ERCC6L2: variants seen among roughly 807,000 people sequenced by gnomAD.
ERCC6L2 encodes the protein ERCC excision repair 6 like 2.
A neutral mutation model predicts 132.0 loss-of-function variants in ERCC6L2; 77 were observed. That is an observed-to-expected ratio of 0.58 (90% confidence interval 0.49 to 0.71). The LOEUF is 0.71. ERCC6L2 is among the 30% of genes least tolerant of loss of function. The probability of loss-of-function intolerance (pLI) is 0.00; values close to 1 mark genes in which losing one functional copy is unlikely to be tolerated. For synonymous variants in ERCC6L2, 583 were observed against 632.4 expected, an observed-to-expected ratio of 0.92 and a Z score of 1.17; for missense variants, 1,542 against 1,837.6, an observed-to-expected ratio of 0.84 and a Z score of 2.94.
chr9:95,911,740 T>C (rs1399398398), intron 4 of ERCC6L2, among the ~76,000 whole-genome samples: 1 of 152,174 alleles, frequency 6.6e-6, no homozygotes, highest in East Asian at 1.9e-4. Context: ...TTTTTTCTTA[T>C]TGCTGTTATA....
At chr9:95,974,960 A>T (rs1832599917) in intron 16 of ERCC6L2, among the ~76,000 whole-genome samples, 1 of 152,114 alleles carries the variant, frequency 6.6e-6, no homozygotes, top group African/African-American at 2.4e-5. Flanking sequence ...GTTCTCAAGC[A>T]TATAGGGAAT....
At chr9:95,925,859 A>G (rs1830077448) in intron 9 of ERCC6L2, among the ~76,000 whole-genome samples, 1 of 152,218 alleles carries the variant, frequency 6.6e-6, no homozygotes, top group African/African-American at 2.4e-5. Context: ...CTGGTTTACA[A>G]ATATACAGGT....
chr9:95,907,588 C>A (rs530285782), intron 4 of ERCC6L2, among the ~76,000 whole-genome samples: 1 of 151,942 alleles, frequency 6.6e-6, no homozygotes, highest in South Asian at 2.1e-4. Flanking sequence ...ATATTTAGTT[C>A]ATAATAACTT....
At chr9:95,933,454 G>A (rs970447812) in intron 11 of ERCC6L2, among the ~76,000 whole-genome samples, 1 of 152,140 alleles carries the variant, frequency 6.6e-6, no homozygotes, top group Non-Finnish European at 1.5e-5. Context: ...ATTTGGGTTT[G>A]AATCGAGACA....
chr9:95,899,606 G>A (rs113318013), intron 3 of ERCC6L2, among the ~76,000 whole-genome samples: 21,724 of 143,676 alleles, frequency 0.15, 1,753 homozygotes, highest in East Asian at 0.24. Flanking sequence ...ATATATGTGT[G>A]TGTGTGTGTG....
At chr9:95,992,579 C>G (rs1833339917) in intron 17 of ERCC6L2, among the ~76,000 whole-genome samples, 1 of 152,236 alleles carries the variant, frequency 6.6e-6, no homozygotes, top group South Asian at 2.1e-4. Flanking sequence ...CTTTCACATA[C>G]TTTAGCACTT....
At chr9:95,925,154 T>C (rs948179427) in intron 9 of ERCC6L2, among the ~76,000 whole-genome samples, 1 of 152,218 alleles carries the variant, frequency 6.6e-6, no homozygotes, top group Admixed American at 6.5e-5. Flanking sequence ...CCTGCTATAA[T>C]CTTTATAGCC....
At chr9:95,951,050 C>G (rs1216615464) in intron 12 of ERCC6L2, among the ~76,000 whole-genome samples, 1 of 152,150 alleles carries the variant, frequency 6.6e-6, no homozygotes, top group Non-Finnish European at 1.5e-5. Context: ...AATGAACACT[C>G]TCCAGGATAA....
chr9:95,962,790 C>T (rs1182017455), intron 13 of ERCC6L2, among the ~76,000 whole-genome samples: 2 of 152,218 alleles, frequency 1.3e-5, no homozygotes, highest in Non-Finnish European at 2.9e-5. Context: ...ATAAGCCTAT[C>T]GTAAGTCCAA....
In ERCC6L2 at chr9:95,876,034, G is replaced by T; in HGVS notation, c.-5G>T. ...CAGCCGGGCTCGGCCCCTCCCCCTGGCCGGATGGATCCGTCGGCGCCACAG... is the reference window on the plus strand; with the variant it reads ...CAGCCGGGCTCGGCCCCTCCCCCTGTCCGGATGGATCCGTCGGCGCCACAG... On this transcript the variant is annotated 5_prime_UTR_variant, in exon 1 of 19. Transcript: ENST00000653738. 2 of 1,588,946 alleles carry T rather than the reference G, an allele frequency of 1.3e-6. No homozygotes were observed. Among genetic ancestry groups the T allele is most frequent in the Non-Finnish European group, 8.6e-7 (1 of 1,168,590 alleles).
chr9:96,012,356 A>C lies in ERCC6L2; in HGVS notation c.3806A>C (p.Glu1269Ala), dbSNP rs1834057470. ...LRDFYASQYP[E>A]VKEFFVDSVS... ...GACTTTTATGCTTCTCAATATCCAG[A>C]GGTAAAAGAATTTTTTGTGGATTCT... is the stretch of plus-strand genomic sequence containing the variant. Residue 1269 changes from glutamate (E) to alanine (A), a missense_variant, in exon 19 of 19, where the codon GAG becomes GCG. Glu to Ala is a moderately radical substitution (Grantham distance 107). Coordinates refer to ENST00000653738, the MANE Select transcript of ERCC6L2 (RefSeq NM_020207.7). 1 of 1,362,632 alleles carries C rather than the reference A, an allele frequency of 7.3e-7. No individual in the cohort carries two copies. Among genetic ancestry groups the C allele is most frequent in the Non-Finnish European group, 9.8e-7 (1 of 1,018,090 alleles). The allele number at this position is 1,362,632 out of a possible 1,614,324, so 84.4% of individuals were successfully genotyped here.
At chr9:95,988,445 C>G (rs1051883527) in intron 17 of ERCC6L2, among the ~76,000 whole-genome samples, 2 of 152,172 alleles carry the variant, frequency 1.3e-5, no homozygotes, top group Non-Finnish European at 2.9e-5. Context: ...TTCAGTTAAT[C>G]TATAAACAAG....
Position 95,978,095 on chromosome 9 carries a change from C to CCAGAAT in ERCC6L2, c.3373_3378dup (p.Gln1125_Asn1126dup), listed in dbSNP as rs1832744924. The stretch of plus-strand genomic sequence containing the variant: ...AGGAAGTGGCTTATATTCACTCAAA[C>CCAGAAT]CAGAATGTAATTGGATCGAGCAAAG... On this transcript the variant is annotated inframe_insertion, in exon 17 of 19. Coordinates refer to ENST00000653738, the MANE Select transcript of ERCC6L2 (RefSeq NM_020207.7). The CCAGAAT allele has an allele frequency of 7.3e-7, 1 of 1,367,190 alleles. No individual in the cohort carries two copies. Among genetic ancestry groups the CCAGAAT allele is most frequent in the South Asian group, 1.1e-5 (1 of 87,956 alleles). 84.7% of individuals were successfully genotyped at this position (1,367,190 alleles called of 1,614,324 possible).
intron 12 of ERCC6L2, among the ~76,000 whole-genome samples, chr9:95,954,384 T>C (rs1302776353): frequency 1.3e-5 from 2 of 152,228 alleles, no homozygotes; most frequent in Admixed American, 1.3e-4. Context: ...CACTGAAAGT[T>C]AGTTCACAAT....
rs550066476 is a variant in ERCC6L2 at position 95,928,988 on chromosome 9, T to C, written c.1751+124T>C. The C allele has an allele frequency of 4.8e-6, 3 of 628,082 alleles. No individual in the cohort carries two copies. In the South Asian group the frequency reaches 9.2e-5, roughly 19 times the overall value. The allele number at this position is 628,082 out of a possible 1,614,324, so 38.9% of individuals were successfully genotyped here. A position where few individuals can be genotyped will look rare whatever the true frequency, so the allele number is the denominator to read the frequency against. On this transcript the variant is annotated intron_variant, in intron 11 of 18. Coordinates refer to ENST00000653738, the MANE Select transcript of ERCC6L2 (RefSeq NM_020207.7). ...GCTTATTTAGAAGCAGCAAAAATAC[T>C]ATTATGACCGAAATTTCAATGTCTT...
At chr9:95,989,493 T>C (rs1408689268) in intron 17 of ERCC6L2, among the ~76,000 whole-genome samples, 3 of 152,246 alleles carry the variant, frequency 2.0e-5, no homozygotes, top group Non-Finnish European at 4.4e-5. Context: ...TTTGTGTAAG[T>C]TTATATTCAT....
intron 3 of ERCC6L2, 38 bp downstream of exon 3, chr9:95,898,009 C>G (rs1295528852): frequency 2.0e-6 from 3 of 1,537,322 alleles, no homozygotes; most frequent in Non-Finnish European, 2.6e-6. Context: ...ACTCATGATG[C>G]TGGTATTACA....
In ERCC6L2 at chr9:96,004,520, A is replaced by G. The variant is rs904495943; in HGVS notation, c.3493A>G (p.Thr1165Ala). 19 of 1,295,308 alleles carry G rather than the reference A, an allele frequency of 1.5e-5. No individual in the cohort carries two copies. Among genetic ancestry groups the G allele is most frequent in the Non-Finnish European group, 1.9e-5 (19 of 985,408 alleles). The allele number at this position is 1,295,308 out of a possible 1,614,324, so 80.2% of individuals were successfully genotyped here. The change falls in exon 18 of 19, where the codon ACA becomes GCA. Residue 1165 changes from threonine to alanine, a missense_variant and splice_region_variant. This residue lies in a region of ERCC6L2 where 442 missense variants were observed against 583.4 expected (regional missense o/e 0.76). Transcript: ENST00000653738. ...CTTTTGTTTCCTTTCTTTTTTTCAG[A>G]CATATAAAGAAAAAGTGGATGCAGA... Reference protein sequence around the residue: ...PANIAVCSSKTYKEKVDADTL... With the variant: ...PANIAVCSSKAYKEKVDADTL...
chr9:95,986,988 G>A (rs1237165521), intron 17 of ERCC6L2, among the ~76,000 whole-genome samples: 1 of 152,028 alleles, frequency 6.6e-6, no homozygotes, highest in African/African-American at 2.4e-5. Flanking sequence ...AAAAATGAGA[G>A]CCAAGAGAAA....
Sources: gnomAD v4.1 joint callset for allele counts (sites outside exome capture counted in the v4.1 genomes callset) on GRCh38, gnomAD v4.1.1 for gene constraint, gnomAD v4.1.1 regional missense constraint, MANE v1.5 for transcripts, NCBI Gene and HGNC (gene_info 2026-07-23, HGNC 2026-07-21) for gene names.